The following QTGAL variants were observed in gnomAD, a reference collection of about 807,000 sequenced individuals.
QTGAL encodes the protein BGnT-like protein 1.
chr17:82,948,588 G>C, the QTGAL span: 1 of 152,230 alleles, frequency 6.6e-6, no homozygotes, highest in Non-Finnish European at 1.5e-5. Flanking sequence ...CGAGAACACA[G>C]ACACTGGATT....
chr17:82,958,362 T>C, the QTGAL span, among the ~76,000 whole-genome samples: 2 of 152,152 alleles, frequency 1.3e-5, no homozygotes, highest in Non-Finnish European at 2.9e-5. Flanking sequence ...CCCTCTGCTG[T>C]GTCAAGGGAG....
At chr17:83,041,938 C>A in the QTGAL span, among the ~76,000 whole-genome samples, 1 of 152,100 alleles carries the variant, frequency 6.6e-6, no homozygotes, top group Non-Finnish European at 1.5e-5. Flanking sequence ...CATTGTAGGG[C>A]TGAAATGAAA....
chr17:83,050,115 A>G, the QTGAL span, among the ~76,000 whole-genome samples: 1 of 152,240 alleles, frequency 6.6e-6, no homozygotes, highest in East Asian at 1.9e-4. Context: ...TCACGCCTGT[A>G]ATCACAGCAG....
At chr17:82,958,308 A>T in the QTGAL span, among the ~76,000 whole-genome samples, 3 of 152,208 alleles carry the variant, frequency 2.0e-5, no homozygotes, top group Non-Finnish European at 4.4e-5. Flanking sequence ...GCCACGCTGA[A>T]GCCCGGTACC....
At chr17:83,036,084 G>A in the QTGAL span, among the ~76,000 whole-genome samples, 1 of 152,224 alleles carries the variant, frequency 6.6e-6, no homozygotes, top group South Asian at 2.1e-4. Flanking sequence ...CAGATACTGT[G>A]CGGCGTAAAC....
the QTGAL span, among the ~76,000 whole-genome samples, chr17:83,016,197 G>A: frequency 1.3e-5 from 2 of 152,152 alleles, no homozygotes; most frequent in African/African-American, 2.4e-5. Context: ...TGGAAGAACA[G>A]CAAAGGTTTA....
the QTGAL span, among the ~76,000 whole-genome samples, chr17:82,952,507 G>A: frequency 6.6e-6 from 1 of 152,176 alleles, no homozygotes; most frequent in East Asian, 1.9e-4. Flanking sequence ...AACAAGAAGA[G>A]CTAACTATCC....
chr17:83,006,154 C>G, the QTGAL span: 1 of 987,032 alleles, frequency 1.0e-6, no homozygotes, highest in African/African-American at 1.7e-5. The surrounding 1 kb of genome is among the most constrained non-coding windows in gnomAD (Gnocchi z 5.8). Flanking sequence ...TCACCCAAGA[C>G]CAACAAGGAG....
the QTGAL span, among the ~76,000 whole-genome samples, chr17:82,978,156 G>A: frequency 2.0e-5 from 3 of 152,092 alleles, no homozygotes; most frequent in South Asian, 2.1e-4. This position sits in a 1 kb window ranked among gnomAD's most constrained non-coding sequence, Gnocchi z 4.8. Context: ...CAAGCCACGC[G>A]TGGCCTTTCC....
chr17:82,995,794 T>C, the QTGAL span, among the ~76,000 whole-genome samples: 2 of 152,042 alleles, frequency 1.3e-5, no homozygotes, highest in East Asian at 3.8e-4. Flanking sequence ...TTAACTAAAA[T>C]AAAAGAGTGA....
At chr17:82,959,391 CAGTG>C in the QTGAL span, among the ~76,000 whole-genome samples, 42,776 of 151,498 alleles carry the variant, frequency 0.28, 6,116 homozygotes, top group East Asian at 0.41. Flanking sequence ...TGAGCGTGTG[CAGTG>C]AGTACGTGTG....
the QTGAL span, among the ~76,000 whole-genome samples, chr17:82,953,005 G>C: frequency 6.6e-6 from 1 of 152,160 alleles, no homozygotes; most frequent in African/African-American, 2.4e-5. Context: ...TGAGAACAGA[G>C]AGACAACGTA....
At chr17:82,987,081 A>G in the QTGAL span, among the ~76,000 whole-genome samples, 3 of 152,226 alleles carry the variant, frequency 2.0e-5, no homozygotes, top group Non-Finnish European at 4.4e-5. Context: ...AAAGTCTAAA[A>G]TCCCCCAAAT....
the QTGAL span, among the ~76,000 whole-genome samples, chr17:82,958,414 GAC>G: frequency 2.0e-5 from 3 of 152,238 alleles, no homozygotes; most frequent in African/African-American, 7.2e-5. Flanking sequence ...GTCTGGGCCA[GAC>G]ACAACCAACA....
the QTGAL span, among the ~76,000 whole-genome samples, chr17:83,039,553 C>CTG: frequency 1.9e-3 from 235 of 126,320 alleles, 24 homozygotes; most frequent in African/African-American, 6.3e-3. Flanking sequence ...TGCTGGGCGC[C>CTG]CGCCGCCCGA....
chr17:82,982,990 C>T, the QTGAL span, among the ~76,000 whole-genome samples: 1 of 152,198 alleles, frequency 6.6e-6, no homozygotes, highest in Non-Finnish European at 1.5e-5. Flanking sequence ...AATATTTCTG[C>T]AATTTTTTGG....
chr17:82,946,953 G>C, the QTGAL span: 1 of 1,569,820 alleles, frequency 6.4e-7, no homozygotes, highest in Non-Finnish European at 8.6e-7. Context: ...AGTGACCTCA[G>C]GTTGTCCTCA....
chr17:83,005,629 G>T, the QTGAL span: 2 of 702,788 alleles, frequency 2.8e-6, no homozygotes, highest in South Asian at 1.5e-5. The surrounding 1 kb of genome is among the most constrained non-coding windows in gnomAD (Gnocchi z 5.6). Context: ...TCCGCAGGCC[G>T]CCCGTCTGAA....
chr17:82,970,616 C>G, the QTGAL span, among the ~76,000 whole-genome samples: 6,936 of 27,616 alleles, frequency 0.25, 822 homozygotes, highest in African/African-American at 0.4. Context: ...CGCGACCTCC[C>G]CACCCGGCGT....
Sources: gnomAD v4.1 joint callset for allele counts (sites outside exome capture counted in the v4.1 genomes callset) on GRCh38, gnomAD v4.1.1 for gene constraint, Gnocchi (gnomAD v3.1) non-coding constraint, MANE v1.5 for transcripts, NCBI Gene and HGNC (gene_info 2026-07-23, HGNC 2026-07-21) for gene names.